AOAH: variants seen among roughly 807,000 people sequenced by gnomAD.
AOAH encodes the protein acyloxyacyl hydrolase (neutrophil).
AOAH carries 64 observed loss-of-function variants against 92.2 expected under a neutral mutation model. The observed-to-expected ratio is 0.69, with a 90% CI of 0.57 to 0.86. The LOEUF (loss-of-function observed/expected upper bound fraction) is 0.86. Ranked by LOEUF, AOAH falls within the 40% of genes least tolerant of loss-of-function variation. The probability of loss-of-function intolerance (pLI) is 0.00; values close to 1 mark genes in which losing one functional copy is unlikely to be tolerated. For missense variants in AOAH, 656 were observed against 694.6 expected (o/e 0.94, Z 0.62); for synonymous variants, 263 against 254.5 (o/e 1.03, Z -0.32).
At chr7:36,545,455 A>T (rs1785743510) in intron 15 of AOAH, among the ~76,000 whole-genome samples, 1 of 152,106 alleles carries the variant, frequency 6.6e-6, no homozygotes, top group Non-Finnish European at 1.5e-5. Flanking sequence ...GTTTCTCACT[A>T]GTCCAGGCTC....
intron 13 of AOAH, among the ~76,000 whole-genome samples, chr7:36,576,254 T>C (rs1788489439): frequency 6.6e-6 from 1 of 152,240 alleles, no homozygotes; most frequent in East Asian, 1.9e-4. Flanking sequence ...TCAGCTCTTG[T>C]TCTGCTAATG....
chr7:36,553,556 C>T (rs932553648), intron 13 of AOAH, among the ~76,000 whole-genome samples: 8 of 152,092 alleles, frequency 5.3e-5, no homozygotes, highest in East Asian at 1.9e-4. Flanking sequence ...CCTGAGGAAT[C>T]GCCACGCTGA....
chr7:36,579,402 C>A (rs564986445), intron 12 of AOAH, among the ~76,000 whole-genome samples: 2 of 149,390 alleles, frequency 1.3e-5, no homozygotes, highest in Non-Finnish European at 3.0e-5. Flanking sequence ...TATAATAAAA[C>A]GACTATTGTT....
intron 10 of AOAH, 87 bp downstream of exon 10, chr7:36,618,210 G>A: frequency 8.6e-7 from 1 of 1,166,726 alleles, no homozygotes; most frequent in Non-Finnish European, 1.3e-6. Context: ...AGCACGTTCT[G>A]ACTTAGGTGG....
At chr7:36,701,368 G>C (rs1308229221) in intron 1 of AOAH, among the ~76,000 whole-genome samples, 1 of 151,558 alleles carries the variant, frequency 6.6e-6, no homozygotes, top group Admixed American at 6.6e-5. Flanking sequence ...AAGAAGAGAG[G>C]AGTGTTGAAA....
intron 5 of AOAH, among the ~76,000 whole-genome samples, chr7:36,633,827 G>A (rs915325928): frequency 2.0e-5 from 3 of 152,126 alleles, no homozygotes; most frequent in South Asian, 2.1e-4. Flanking sequence ...TTCAAACCTC[G>A]GTGCTATTGC....
At chr7:36,693,110 C>A (rs1046887545) in intron 1 of AOAH, among the ~76,000 whole-genome samples, 2 of 152,138 alleles carry the variant, frequency 1.3e-5, no homozygotes, top group African/African-American at 4.8e-5. Context: ...ACCTTGAAGG[C>A]CATACTACAG....
chr7:36,678,586 TGTGTGTGTGTGTGTGCGCGCGC>T (rs1335939256), intron 2 of AOAH, among the ~76,000 whole-genome samples: 1 of 92,236 alleles, frequency 1.1e-5, no homozygotes, highest in Non-Finnish European at 2.1e-5. Flanking sequence ...TGTGTGTGTG[TGTGTGTGTGTGTGTGCGCGCGC>T]GCGCGCGTTA....
At chr7:36,686,871 CGTGTGT>C (rs35260531) in intron 1 of AOAH, 77 bp from the exon 2 acceptor site, 13,748 of 503,298 alleles carry the variant, frequency 0.027, 3 homozygotes, top group East Asian at 0.046. Flanking sequence ...AGAAAGGATG[CGTGTGT>C]GTGTGTGTGT....
chr7:36,518,815 T>G (rs1367360892), intron 20 of AOAH, among the ~76,000 whole-genome samples: 1 of 152,180 alleles, frequency 6.6e-6, no homozygotes, highest in Non-Finnish European at 1.5e-5. Flanking sequence ...GCATGATGCT[T>G]TATTCAATCA....
Position 36,549,406 on chromosome 7 carries a change from C to A in AOAH, c.1058+33G>T, listed in dbSNP as rs768136513. On this transcript the variant is annotated intron_variant, in intron 14 of 20. Transcript: ENST00000617537. ...TCATTCCTTATTCAAAATGAGAAAC[C>A]AAATTAAAAACAACTTCTTATCTTC... 15 of 1,545,372 alleles carry A rather than the reference C, an allele frequency of 9.7e-6. No homozygotes were observed. In the South Asian group the frequency reaches 1.6e-4, roughly 16 times the overall value.
chr7:36,575,775 C>T (rs916747720), intron 13 of AOAH, among the ~76,000 whole-genome samples: 1 of 152,140 alleles, frequency 6.6e-6, no homozygotes, highest in African/African-American at 2.4e-5. Context: ...AGTTTAAACG[C>T]TTGTTGCTTG....
At chr7:36,513,443 A>C in intron 20 of AOAH, 63 bp from the exon 21 acceptor site, 3 of 1,545,144 alleles carry the variant, frequency 1.9e-6, no homozygotes, top group Non-Finnish European at 2.6e-6. Flanking sequence ...TACCAACAAG[A>C]TTTCCCACGT....
intron 1 of AOAH, among the ~76,000 whole-genome samples, chr7:36,722,095 A>G (rs548924894): frequency 6.6e-6 from 1 of 152,262 alleles, no homozygotes; most frequent in South Asian, 2.1e-4. Context: ...AGATCCATCA[A>G]TCCACCATCC....
intron 2 of AOAH, among the ~76,000 whole-genome samples, chr7:36,686,077 A>G (rs949516107): frequency 6.6e-6 from 1 of 152,206 alleles, no homozygotes; most frequent in African/African-American, 2.4e-5. Context: ...TGTTCAAGTA[A>G]CAGTATTCTA....
At chr7:36,534,419 T>G (rs1208655971) in intron 16 of AOAH, among the ~76,000 whole-genome samples, 1 of 152,142 alleles carries the variant, frequency 6.6e-6, no homozygotes, top group Admixed American at 6.5e-5. Flanking sequence ...GCACATTAGG[T>G]GCATTTAGAA....
intron 1 of AOAH, among the ~76,000 whole-genome samples, chr7:36,693,377 A>G (rs6462694): frequency 0.56 from 84,922 of 151,900 alleles, 24,142 homozygotes; most frequent in East Asian, 0.83. Context: ...ACTTCTACCT[A>G]GTCTCATCCA....
chr7:36,666,909 A>G (rs1795576058), intron 3 of AOAH, among the ~76,000 whole-genome samples: 1 of 152,182 alleles, frequency 6.6e-6, no homozygotes, highest in South Asian at 2.1e-4. Flanking sequence ...GTTTAATACC[A>G]ATGTTATCTG....
intron 1 of AOAH, among the ~76,000 whole-genome samples, chr7:36,694,102 G>A (rs529172368): frequency 1.1e-4 from 16 of 152,148 alleles, no homozygotes; most frequent in East Asian, 1.9e-4. Flanking sequence ...ATAAAAATAC[G>A]TTAAATCAAT....
Sources: gnomAD v4.1 joint callset for allele counts (sites outside exome capture counted in the v4.1 genomes callset) on GRCh38, gnomAD v4.1.1 for gene constraint, MANE v1.5 for transcripts, NCBI Gene and HGNC (gene_info 2026-07-23, HGNC 2026-07-21) for gene names.